Variants in GUCA2B observed in about 807,000 individuals in gnomAD.
GUCA2B encodes the protein guanylate cyclase activator 2B.
A neutral mutation model predicts 11.1 loss-of-function variants in GUCA2B; 7 were observed. That is an observed-to-expected ratio of 0.63 (90% CI 0.36 to 1.18). GUCA2B has a LOEUF of 1.18. Among genes scored for constraint, GUCA2B ranks in the 50% most tolerant of loss-of-function variants. The pLI is 0.02. For synonymous variants in GUCA2B, 69 were observed against 65.3 expected (o/e 1.06, Z -0.27); for missense variants, 140 against 142.5 (o/e 0.98, Z 0.09).
Position 42,155,573 on chromosome 1 carries a change from G to A in GUCA2B, c.316G>A (p.Val106Ile), listed in dbSNP as rs770549769. Residue 106 changes from valine (V) to isoleucine (I), a missense_variant, in exon 3 of 3, where the codon GTT (valine) becomes ATT (isoleucine). Physicochemically the swap from Val to Ile is conservative, Grantham distance 29. Coordinates refer to ENST00000372581, the MANE Select transcript of GUCA2B (RefSeq NM_007102.3). ...CGACGACTGTGAGCTGTGTGTGAAC[G>A]TTGCGTGTACCGGCTGCCTCTGAGA... is the stretch of plus-strand genomic sequence containing the variant. ...ANDDCELCVN[V>I]ACTGCL The A allele has an allele frequency of 3.3e-5, 53 of 1,613,880 alleles. No individual in the cohort carries two copies. Among genetic ancestry groups the A allele is most frequent in the Admixed American group, 5.0e-5 (3 of 60,010 alleles).
In GUCA2B at chr1:42,154,873, G is replaced by A. The variant is rs774813687; in HGVS notation, c.277+7G>A. On this transcript the variant is annotated splice_region_variant and intron_variant, in intron 2 of 2. Transcript: ENST00000372581. ...AGCATCTTCAAGACCCTGAGTAAGT[G>A]CCCCCGCTCCCTGCAGAACCTCGCT... 1 of 1,602,402 alleles carries A rather than the reference G, an allele frequency of 6.2e-7. No individual in the cohort carries two copies. Among genetic ancestry groups the A allele is most frequent in the Admixed American group, 1.7e-5 (1 of 59,346 alleles).
intron 2 of GUCA2B, among the ~76,000 whole-genome samples, chr1:42,155,173 A>G (rs1199693615): frequency 2.0e-5 from 3 of 152,180 alleles, no homozygotes; most frequent in Non-Finnish European, 2.9e-5. Context: ...TTCCAAGAGG[A>G]GGTGTCAGCC....
rs1177639997 is a variant in GUCA2B, at chr1:42,155,607, G to A, written c.*11G>A. ...ACCGGCTGCCTCTGAGATAGCCCTGGGTACCCTGAGCCCACCAGGGACACC... is the reference window on the plus strand; with the variant it reads ...ACCGGCTGCCTCTGAGATAGCCCTGAGTACCCTGAGCCCACCAGGGACACC... On this transcript the variant is annotated 3_prime_UTR_variant, in exon 3 of 3. Transcript: ENST00000372581. 1.2e-6 allele frequency: 2 copies of A among 1,607,786 alleles called. No homozygotes were observed. Among genetic ancestry groups the A allele is most frequent in the East Asian group, 2.2e-5 (1 of 44,848 alleles).
At chr1:42,154,614 G>T in intron 1 of GUCA2B, 66 bp from the exon 2 acceptor site, 2 of 1,336,452 alleles carry the variant, frequency 1.5e-6, no homozygotes, top group Non-Finnish European at 2.2e-6. Context: ...AACCCTGGGT[G>T]TCATGGCAGT....
Position 42,153,437 on chromosome 1 carries a change from A to T in GUCA2B, c.-14A>T, listed in dbSNP as rs375370005. ...GAGACGGTGGACAGCGGCAGGGGGA[A>T]CCCAGGGAGCGCGATGGGCTGCAGG... On this transcript the variant is annotated 5_prime_UTR_variant, in exon 1 of 3. Transcript: ENST00000372581. The T allele has an allele frequency of 4.4e-5, 70 of 1,596,402 alleles. No individual in the cohort carries two copies. The highest frequency in any genetic ancestry group is 5.7e-5 in the Non-Finnish European group (67 of 1,167,398).
At chr1:42,153,564 C>G (rs998218363) in intron 1 of GUCA2B, 24 bp downstream of exon 1, 13 of 1,549,724 alleles carry the variant, frequency 8.4e-6, no homozygotes, top group Non-Finnish European at 1.1e-5. Flanking sequence ...CCAGCGTTCC[C>G]TTTGCCTGAA....
Position 42,154,667 on chromosome 1 carries a change from C to T in GUCA2B, c.91-13C>T. On this transcript the variant is annotated splice_polypyrimidine_tract_variant and intron_variant, in intron 1 of 2. Transcript: ENST00000372581. Reference sequence around the variant, plus strand: ...GTCTTGACCTGCTCCTATCTCCTCTCCCCTGTCTGTAGTACCAAGGCTTCC... The same window carrying T: ...GTCTTGACCTGCTCCTATCTCCTCTTCCCTGTCTGTAGTACCAAGGCTTCC... 2.5e-6 allele frequency: 4 copies of T among 1,611,870 alleles called. No individual in the cohort carries two copies. The highest frequency in any genetic ancestry group is 3.4e-6 in the Non-Finnish European group (4 of 1,177,930).
Position 42,153,477 on chromosome 1 carries a change from C to T in GUCA2B, c.27C>T (p.Leu9=), listed in dbSNP as rs1324655665. The T allele has an allele frequency of 1.2e-6, 2 of 1,612,564 alleles. No individual in the cohort carries two copies. The highest frequency in any genetic ancestry group is 8.5e-7 in the Non-Finnish European group (1 of 1,179,702). Residue 9 remains leucine (L), a synonymous_variant, in exon 1 of 3, where the codon CTC becomes CTT. Transcript: ENST00000372581. MGCRAASG[L]LPGVAVVLLL... ...TGGGCTGCAGGGCTGCATCAGGGCT[C>T]CTGCCAGGAGTGGCCGTGGTCCTCC... is the stretch of plus-strand genomic sequence containing the variant.
chr1:42,154,849 G>C lies in GUCA2B; in HGVS notation c.260G>C (p.Ser87Thr), dbSNP rs1646101736. 5 of 1,612,938 alleles carry C rather than the reference G, an allele frequency of 3.1e-6. No homozygotes were observed. Among genetic ancestry groups the C allele is most frequent in the South Asian group, 1.1e-5 (1 of 90,942 alleles). ...GTCTGCGCCTCGCAGGAGGCTTCCA[G>C]CATCTTCAAGACCCTGAGTAAGTGC... ...QPVCASQEAS[S>T]IFKTLRTIAN... Residue 87 changes from serine to threonine, a missense_variant, in exon 2 of 3, where the codon AGC (serine) becomes ACC (threonine). Transcript: ENST00000372581.
intron 1 of GUCA2B, among the ~76,000 whole-genome samples, chr1:42,153,806 T>C (rs1023957006): frequency 2.0e-5 from 3 of 152,080 alleles, no homozygotes; most frequent in African/African-American, 7.2e-5. Context: ...GGTCAGGGTG[T>C]GGAACAGAAG....
In GUCA2B at chr1:42,155,696, G is replaced by A. The variant is rs1646106245; in HGVS notation, c.*100G>A. On this transcript the variant is annotated 3_prime_UTR_variant, in exon 3 of 3. Coordinates refer to ENST00000372581, the MANE Select transcript of GUCA2B (RefSeq NM_007102.3). ...CGTCCATGCTCAAGATGGGTCCCTG[G>A]CCACCATGGTCATCACCACCCTTCC... 5 of 902,910 alleles carry A rather than the reference G, an allele frequency of 5.5e-6. No individual in the cohort carries two copies. The East Asian group carries it at 1.2e-4, about 22-fold the overall frequency. The allele number at this position is 902,910 out of a possible 1,614,324, so 55.9% of individuals were successfully genotyped here. A position where few individuals can be genotyped will look rare whatever the true frequency, so the allele number is the denominator to read the frequency against.
chr1:42,154,531 C>G, intron 1 of GUCA2B, 149 bp from the exon 2 acceptor site: 1 of 671,956 alleles, frequency 1.5e-6, no homozygotes, highest in Non-Finnish European at 2.7e-6. Flanking sequence ...CTCACCGCAG[C>G]GGCTCTTTCC....
rs1646106819 is a variant in GUCA2B, at chr1:42,155,778, G to A, written c.*182G>A. On this transcript the variant is annotated 3_prime_UTR_variant, in exon 3 of 3. Coordinates refer to ENST00000372581, the MANE Select transcript of GUCA2B (RefSeq NM_007102.3). ...AATCGGACATAGAGTTGGAGGGGGA[G>A]GCCCCTGAGGCAGCCCAGCTCCTGA... is the stretch of plus-strand genomic sequence containing the variant. 4.7e-6 allele frequency: 3 copies of A among 632,074 alleles called. No homozygotes were observed. Among genetic ancestry groups the A allele is most frequent in the Non-Finnish European group, 8.6e-6 (3 of 349,046 alleles). 39.2% of individuals were successfully genotyped at this position (632,074 alleles called of 1,614,324 possible).
At chr1:42,154,323 T>G (rs983157799) in intron 1 of GUCA2B, among the ~76,000 whole-genome samples, 2 of 152,138 alleles carry the variant, frequency 1.3e-5, no homozygotes, top group Admixed American at 1.3e-4. Context: ...CCATGTGAGC[T>G]CAGGCAGGCG....
intron 1 of GUCA2B, 74 bp from the exon 2 acceptor site, chr1:42,154,606 C>G (rs535845475): frequency 1.6e-6 from 2 of 1,272,800 alleles, no homozygotes; most frequent in South Asian, 2.4e-5. Flanking sequence ...GTTTGAGCAA[C>G]CCTGGGTGTC....
In GUCA2B at chr1:42,155,651, C is replaced by T. The variant is rs1646105875; in HGVS notation, c.*55C>T. 4.1e-5 allele frequency: 55 copies of T among 1,344,998 alleles called. No individual in the cohort carries two copies. The highest frequency in any genetic ancestry group is 5.9e-5 in the Non-Finnish European group (55 of 933,912). 83.3% of individuals were successfully genotyped at this position (1,344,998 alleles called of 1,614,324 possible). A position where few individuals can be genotyped will look rare whatever the true frequency, so the allele number is the denominator to read the frequency against. On this transcript the variant is annotated 3_prime_UTR_variant, in exon 3 of 3. Transcript: ENST00000372581. ...GGACACCTCGCCCTTCAGCCCACCA[C>T]CCTGGCAGGCTTCCATCCCCGTCCA...
In GUCA2B at chr1:42,155,528, T is replaced by G; in HGVS notation, c.278-7T>G. On this transcript the variant is annotated splice_region_variant and splice_polypyrimidine_tract_variant and intron_variant, in intron 2 of 2. Coordinates refer to ENST00000372581, the MANE Select transcript of GUCA2B (RefSeq NM_007102.3). ...CAGGTCAACTGACCAGTTCTCTCCC[T>G]GCCCAGGGACCATCGCTAACGACGA... is the stretch of plus-strand genomic sequence containing the variant. The G allele has an allele frequency of 6.2e-7, 1 of 1,613,282 alleles. No individual in the cohort carries two copies. Among genetic ancestry groups the G allele is most frequent in the Non-Finnish European group, 8.5e-7 (1 of 1,179,224 alleles).
intron 2 of GUCA2B, 108 bp downstream of exon 2, chr1:42,154,974 T>G (rs746048892): frequency 1.1e-4 from 91 of 831,870 alleles, no homozygotes; most frequent in Middle Eastern, 3.6e-4. Context: ...ATGGGGAGAT[T>G]CAAGTAACTC....
intron 2 of GUCA2B, 32 bp downstream of exon 2, chr1:42,154,898 T>A (rs757528553): frequency 6.5e-7 from 1 of 1,547,936 alleles, no homozygotes; most frequent in Non-Finnish European, 8.8e-7. Flanking sequence ...AGAACCTCGC[T>A]CTGTCTCCTC....
Sources: allele counts gnomAD v4.1 joint callset (sites outside exome capture counted in the v4.1 genomes callset), GRCh38; gene constraint gnomAD v4.1.1; transcripts MANE v1.5; gene names NCBI Gene and HGNC (gene_info 2026-07-23, HGNC 2026-07-21).